Variants in RPS6KA5 observed in about 807,000 individuals in gnomAD.
The protein encoded by RPS6KA5 is ribosomal protein S6 kinase A5.
Under a neutral mutation model 85.5 loss-of-function variants are expected in RPS6KA5, and 27 were observed. That is an observed-to-expected ratio of 0.32 (90% CI 0.23 to 0.44). The LOEUF (loss-of-function observed/expected upper bound fraction) is 0.44. RPS6KA5 is among the 20% of genes least tolerant of loss of function. The pLI is 1.00. For missense variants in RPS6KA5, 811 were observed against 980.9 expected (o/e 0.83, Z 2.31); for synonymous variants, 334 against 348.2 (o/e 0.96, Z 0.46).
At chr14:90,988,819 AT>A (rs1220596704) in intron 2 of RPS6KA5, among the ~76,000 whole-genome samples, 20 of 152,152 alleles carry the variant, frequency 1.3e-4, no homozygotes, top group Non-Finnish European at 5.9e-5. Flanking sequence ...TCTCAAAAAA[AT>A]AAATAAATAA....
chr14:90,923,051 A>G (rs147511405), intron 6 of RPS6KA5, 62 bp downstream of exon 6: 1 of 1,233,720 alleles, frequency 8.1e-7, no homozygotes, highest in East Asian at 2.3e-5. Flanking sequence ...TAAGTTGTTA[A>G]CTAGGATTCT....
At chr14:90,943,271 ATT>A (rs71117390) in intron 4 of RPS6KA5, 86 bp from the exon 5 acceptor site, 2 of 563,174 alleles carry the variant, frequency 3.6e-6, no homozygotes, top group Non-Finnish European at 5.9e-6. Flanking sequence ...TTATTTATTT[ATT>A]TTTTTTTTTA....
At chr14:91,013,376 T>C (rs576104981) in intron 1 of RPS6KA5, among the ~76,000 whole-genome samples, 15 of 151,478 alleles carry the variant, frequency 9.9e-5, no homozygotes, top group African/African-American at 3.6e-4. Flanking sequence ...TAAAGAGAAA[T>C]GAGGTAAATA....
At chr14:90,904,517 C>T (rs2035393331) in intron 8 of RPS6KA5, among the ~76,000 whole-genome samples, 2 of 152,146 alleles carry the variant, frequency 1.3e-5, no homozygotes, top group Non-Finnish European at 2.9e-5. Context: ...TCTTGACTTT[C>T]TAGTTAAGTG....
At chr14:90,882,795 T>C (rs988988308) in intron 14 of RPS6KA5, among the ~76,000 whole-genome samples, 3 of 151,504 alleles carry the variant, frequency 2.0e-5, no homozygotes, top group African/African-American at 7.3e-5. Context: ...TGCTTTTCTC[T>C]TGTTGCTTTC....
chr14:90,944,615 C>T (rs568744580), intron 4 of RPS6KA5, among the ~76,000 whole-genome samples: 7 of 152,126 alleles, frequency 4.6e-5, no homozygotes, highest in Admixed American at 1.3e-4. Context: ...ATTAGCCGGG[C>T]GTGGTGGCAC....
intron 1 of RPS6KA5, among the ~76,000 whole-genome samples, chr14:91,025,756 A>ACTCCAT (rs1670611820): frequency 6.6e-6 from 1 of 150,930 alleles, no homozygotes; most frequent in African/African-American, 2.4e-5. Context: ...AAACCTCCCA[A>ACTCCAT]CTCCATCTCC....
At chr14:91,032,709 CAT>C (rs1055907652) in intron 1 of RPS6KA5, among the ~76,000 whole-genome samples, 7 of 151,502 alleles carry the variant, frequency 4.6e-5, no homozygotes, top group African/African-American at 1.7e-4. Flanking sequence ...CATAAGCAAA[CAT>C]GCACGGGAAA....
chr14:90,895,745 C>T (rs2034802458), intron 12 of RPS6KA5, among the ~76,000 whole-genome samples: 1 of 152,142 alleles, frequency 6.6e-6, no homozygotes, highest in East Asian at 1.9e-4. Flanking sequence ...CAAAAATTAG[C>T]CAGACATGGT....
chr14:90,979,306 G>A (rs1291233935), intron 2 of RPS6KA5, among the ~76,000 whole-genome samples: 1 of 152,206 alleles, frequency 6.6e-6, no homozygotes. Flanking sequence ...GGAAGGAAGA[G>A]GGAGGAAGAA....
At position 90,913,901 on chromosome 14, in the gene RPS6KA5, G is replaced by A. The variant is rs556959708; in HGVS notation, c.806+6305C>T. On this transcript the variant is annotated intron_variant, in intron 7 of 16. Coordinates refer to ENST00000614987, the MANE Select transcript of RPS6KA5 (RefSeq NM_004755.4). ...CAAAGAGAAAGCTAAACTGAAAAGA[G>A]CTAGAGGCAGAGAGCAGCAGTCAGA... Among the ~76,000 whole-genome samples, 8 of 152,292 alleles carry A rather than the reference G, an allele frequency of 5.3e-5. No individual in the cohort carries two copies. The East Asian group carries it at 1.3e-3, about 26-fold the overall frequency.
At chr14:90,994,518 C>G (rs1317415210) in intron 2 of RPS6KA5, among the ~76,000 whole-genome samples, 1 of 149,616 alleles carries the variant, frequency 6.7e-6, no homozygotes, top group Non-Finnish European at 1.5e-5. Flanking sequence ...TTTGTTGTTT[C>G]CACTTCTTTC....
chr14:90,873,238 T>G (rs2033235876), intron 16 of RPS6KA5, among the ~76,000 whole-genome samples: 1 of 152,214 alleles, frequency 6.6e-6, no homozygotes, highest in African/African-American at 2.4e-5. Flanking sequence ...ACTTACTTCA[T>G]ATCCCTCCCA....
At chr14:90,884,992 C>T (rs2034093505) in intron 14 of RPS6KA5, among the ~76,000 whole-genome samples, 2 of 152,124 alleles carry the variant, frequency 1.3e-5, no homozygotes, top group Non-Finnish European at 2.9e-5. Context: ...GGGGCTCACA[C>T]CTGCAATCCC....
intron 3 of RPS6KA5, among the ~76,000 whole-genome samples, chr14:90,966,350 T>C (rs2039061153): frequency 6.6e-6 from 1 of 152,236 alleles, no homozygotes; most frequent in South Asian, 2.1e-4. Context: ...CAGAAGGTTT[T>C]ACTTTAGAGG....
intron 14 of RPS6KA5, among the ~76,000 whole-genome samples, chr14:90,886,627 T>C (rs1275937678): frequency 3.3e-5 from 5 of 152,224 alleles, no homozygotes; most frequent in Non-Finnish European, 7.3e-5. Context: ...TGGCCATCTG[T>C]AATCCAAAGA....
intron 6 of RPS6KA5, among the ~76,000 whole-genome samples, chr14:90,921,279 C>A (rs2036389219): frequency 6.6e-6 from 1 of 152,012 alleles, no homozygotes; most frequent in African/African-American, 2.4e-5. Context: ...ATCGTGAGAG[C>A]AAAGGTATTT....
At position 91,031,332 on chromosome 14, in the gene RPS6KA5, A is replaced by G. The variant is rs568509631; in HGVS notation, c.103+29000T>C. ...ATATCTGAAAAAGCTTTTCCAAAAAAAAATCTCCTATGCAAGCTTTCTCAG... is the reference window on the plus strand; with the variant it reads ...ATATCTGAAAAAGCTTTTCCAAAAAGAAATCTCCTATGCAAGCTTTCTCAG... On this transcript the variant is annotated intron_variant, in intron 1 of 16. Coordinates refer to ENST00000614987, the MANE Select transcript of RPS6KA5 (RefSeq NM_004755.4). 8.5e-5 allele frequency among the ~76,000 whole-genome samples: 13 copies of G among 152,328 alleles called. No homozygotes were observed. The South Asian group carries it at 2.7e-3, about 32-fold the overall frequency.
Position 91,004,974 on chromosome 14 carries a change from A to C in RPS6KA5, c.104-3815T>G, listed in dbSNP as rs2040952577. On this transcript the variant is annotated intron_variant, in intron 1 of 16. Transcript: ENST00000614987. ...GACAAAGTGAGACTCCGTCTCAAAA[A>C]AAAAAACAAAAAAACAAAAAAACAA... Among the ~76,000 whole-genome samples the C allele has an allele frequency of 2.0e-5, 3 of 149,128 alleles. No individual in the cohort carries two copies. In the South Asian group the frequency reaches 6.3e-4, roughly 31 times the overall value.
Sources: gnomAD v4.1 joint callset for allele counts (sites outside exome capture counted in the v4.1 genomes callset) on GRCh38, gnomAD v4.1.1 for gene constraint, MANE v1.5 for transcripts, NCBI Gene and HGNC (gene_info 2026-07-23, HGNC 2026-07-21) for gene names.